The following ZFHX3 variants were observed in gnomAD, a reference collection of about 807,000 sequenced individuals.
ZFHX3 encodes the protein zinc finger homeobox 3.
ZFHX3 carries 42 observed loss-of-function variants against 279.1 expected under a neutral mutation model. That is an observed-to-expected ratio of 0.15 (90% CI 0.12 to 0.19). The LOEUF is 0.19. Ranked by LOEUF, ZFHX3 falls within the 10% of genes least tolerant of loss-of-function variation. ZFHX3 has a pLI of 1.00. For synonymous variants in ZFHX3, 2,293 were observed against 1,957.8 expected (o/e 1.17, Z -4.52); for missense variants, 4,981 against 4,754.0 (o/e 1.05, Z -1.40).
chr16:73,145,809 C>T (rs999487709), intron 5 of ZFHX3, among the ~76,000 whole-genome samples: 2 of 152,118 alleles, frequency 1.3e-5, no homozygotes, highest in Non-Finnish European at 2.9e-5. Context: ...TGAAATGAAA[C>T]CAATCCAGAA....
At chr16:73,821,603 G>T (rs1178273937) in intron 1 of ZFHX3, among the ~76,000 whole-genome samples, 1 of 152,358 alleles carries the variant, frequency 6.6e-6, no homozygotes, top group East Asian at 1.9e-4. Context: ...GCACACAGAG[G>T]CACTTGAACC....
chr16:73,056,162 G>A (rs1965552370), intron 1 of ZFHX3, among the ~76,000 whole-genome samples: 1 of 152,046 alleles, frequency 6.6e-6, no homozygotes, highest in Non-Finnish European at 1.5e-5. Context: ...CTGACTCCGT[G>A]TACACTTTTT....
chr16:73,756,732 G>A lies in ZFHX3; in HGVS notation c.-1607-76492C>T, dbSNP rs1274577109. 2.9e-4 allele frequency among the ~76,000 whole-genome samples: 4 copies of A among 13,992 alleles called. No homozygotes were observed. The South Asian group carries it at 9.0e-3, about 31-fold the overall frequency. 9.2% of individuals were successfully genotyped at this position (13,992 alleles called of 152,430 possible). ...CCCCCACCACCCCTGCCCCACCCCCGCTCCTAACATCAGGAACCCACTCCT... is the reference window on the plus strand; with the variant it reads ...CCCCCACCACCCCTGCCCCACCCCCACTCCTAACATCAGGAACCCACTCCT... On this transcript the variant is annotated intron_variant, in intron 1 of 17. Transcript: ENST00000641206.
intron 3 of ZFHX3, among the ~76,000 whole-genome samples, chr16:72,893,723 T>G (rs1597354022): frequency 6.6e-6 from 1 of 152,030 alleles, no homozygotes; most frequent in Non-Finnish European, 1.5e-5. Context: ...AACAAGAAAA[T>G]GAAGCCACGG....
At chr16:73,062,480 A>T (rs1318801476), upstream of ZFHX3, among the ~76,000 whole-genome samples, 2 of 152,328 alleles carry the variant, frequency 1.3e-5, no homozygotes, top group South Asian at 2.1e-4. Flanking sequence ...AATATAACAT[A>T]AAAAGGTTGA....
At chr16:72,834,712 A>G (rs1030260826) in intron 4 of ZFHX3, among the ~76,000 whole-genome samples, 1 of 152,050 alleles carries the variant, frequency 6.6e-6, no homozygotes, top group African/African-American at 2.4e-5. Flanking sequence ...CCAAAAATAG[A>G]GGTGGCATCA....
At chr16:73,467,679 C>G (rs2018596322) in intron 2 of ZFHX3, among the ~76,000 whole-genome samples, 1 of 152,092 alleles carries the variant, frequency 6.6e-6, no homozygotes, top group African/African-American at 2.4e-5. Context: ...GTTTTAACTT[C>G]TCTATATGTA....
At chr16:73,270,573 G>C (rs923479239) in intron 4 of ZFHX3, among the ~76,000 whole-genome samples, 4 of 152,182 alleles carry the variant, frequency 2.6e-5, no homozygotes, top group Admixed American at 6.5e-5. Flanking sequence ...GTTCCCAGTG[G>C]ACATGACTAG....
At chr16:73,226,899 T>C (rs2012611476) in intron 5 of ZFHX3, among the ~76,000 whole-genome samples, 1 of 152,232 alleles carries the variant, frequency 6.6e-6, no homozygotes, top group South Asian at 2.1e-4. Context: ...AAGTATTTCA[T>C]ACTAGAATAT....
At chr16:73,468,085 G>C (rs913958937) in intron 2 of ZFHX3, among the ~76,000 whole-genome samples, 2 of 152,210 alleles carry the variant, frequency 1.3e-5, no homozygotes, top group Non-Finnish European at 2.9e-5. Flanking sequence ...ACAAATGTCA[G>C]ACAGTCCCAA....
chr16:72,943,023 T>C (rs746140231), intron 3 of ZFHX3, among the ~76,000 whole-genome samples: 4 of 152,182 alleles, frequency 2.6e-5, no homozygotes, highest in Non-Finnish European at 5.9e-5. Flanking sequence ...CAGTATTCCG[T>C]AAATATGTTC....
intron 5 of ZFHX3, among the ~76,000 whole-genome samples, chr16:73,192,127 A>C (rs1968052424): frequency 6.6e-6 from 1 of 152,088 alleles, no homozygotes; most frequent in Non-Finnish European, 1.5e-5. Context: ...GCACTAGCAC[A>C]TGAGCCTCAC....
At chr16:73,149,315 T>C (rs1197495129) in intron 5 of ZFHX3, among the ~76,000 whole-genome samples, 1 of 149,898 alleles carries the variant, frequency 6.7e-6, no homozygotes, top group Non-Finnish European at 1.5e-5. Context: ...ACTTTATTAA[T>C]ATTAATGTCA....
chr16:73,422,019 C>T (rs1392642952), intron 3 of ZFHX3, among the ~76,000 whole-genome samples: 1 of 152,132 alleles, frequency 6.6e-6, no homozygotes, highest in African/African-American at 2.4e-5. Flanking sequence ...CTTCCTCATG[C>T]AAAAGGTACA....
At chr16:73,195,759 A>G (rs1451647851) in intron 5 of ZFHX3, among the ~76,000 whole-genome samples, 1 of 152,004 alleles carries the variant, frequency 6.6e-6, no homozygotes, top group Non-Finnish European at 1.5e-5. Context: ...CTAGAAAGCA[A>G]AAAAAATAGG....
At chr16:73,064,084 T>C (rs1965717681), upstream of ZFHX3, among the ~76,000 whole-genome samples, 1 of 152,132 alleles carries the variant, frequency 6.6e-6, no homozygotes, top group Non-Finnish European at 1.5e-5. Context: ...ACGACAGCTC[T>C]TTCGGAAAGT....
intron 3 of ZFHX3, among the ~76,000 whole-genome samples, chr16:73,319,564 G>A (rs75074721): frequency 6.6e-6 from 1 of 151,826 alleles, no homozygotes; most frequent in East Asian, 1.9e-4. Flanking sequence ...CAGGGGCGGG[G>A]GGTTGGTTAA....
intron 5 of ZFHX3, among the ~76,000 whole-genome samples, chr16:73,178,421 G>C (rs139510513): frequency 3.3e-5 from 5 of 152,082 alleles, no homozygotes; most frequent in Admixed American, 6.5e-5. Flanking sequence ...TCGCAGGCGT[G>C]AGCCACCGCG....
At chr16:73,881,188 C>G (rs760308126) in intron 1 of ZFHX3, among the ~76,000 whole-genome samples, 1 of 152,096 alleles carries the variant, frequency 6.6e-6, no homozygotes, top group Middle Eastern at 3.2e-3. Context: ...TTTAAAGAAA[C>G]TCAGCTTGTG....
Sources: allele counts gnomAD v4.1 joint callset (sites outside exome capture counted in the v4.1 genomes callset), GRCh38; gene constraint gnomAD v4.1.1; transcripts MANE v1.5; gene names NCBI Gene and HGNC (gene_info 2026-07-23, HGNC 2026-07-21).